Variants in VTI1B observed in about 807,000 individuals in gnomAD.
The protein encoded by VTI1B is vesicle transport through interaction with t-SNAREs homolog 1B.
VTI1B carries 18 observed loss-of-function variants against 28.6 expected under a neutral mutation model. The observed-to-expected ratio is 0.63, with a 90% CI of 0.43 to 0.93. The LOEUF (loss-of-function observed/expected upper bound fraction) is 0.93, where lower values mean the gene tolerates loss of function less well. Ranked by LOEUF, VTI1B falls within the 40% of genes least tolerant of loss-of-function variation. The probability of loss-of-function intolerance (pLI) is 0.00; values close to 1 mark genes in which losing one functional copy is unlikely to be tolerated. For synonymous variants in VTI1B, 100 were observed against 107.9 expected, an observed-to-expected ratio of 0.93 and a Z score of 0.46; for missense variants, 283 against 297.0, an observed-to-expected ratio of 0.95 and a Z score of 0.35.
In VTI1B at chr14:67,650,275, C is replaced by T. The variant is rs571993257; in HGVS notation, c.*1110G>A. ...ACATTAGAGTTCAAAAGTGGGAATG[C>T]AGTTTGGCTAGTGCAAGTGGCAGAT... On this transcript the variant is annotated 3_prime_UTR_variant, in exon 6 of 6. Transcript: ENST00000554659. 65 of 215,486 alleles carry T rather than the reference C, an allele frequency of 3.0e-4. No homozygotes were observed. The highest frequency in any genetic ancestry group is 4.2e-4 in the Non-Finnish European group (45 of 106,786). 13.3% of individuals were successfully genotyped at this position (215,486 alleles called of 1,614,324 possible). A position where few individuals can be genotyped will look rare whatever the true frequency, so the allele number is the denominator to read the frequency against.
Position 67,649,397 on chromosome 14 carries a change from T to C in VTI1B, c.*1988A>G, listed in dbSNP as rs1001990794. On this transcript the variant is annotated 3_prime_UTR_variant, in exon 6 of 6. Transcript: ENST00000554659. ...CCAGGTGTCCCAACTACTTGGGAGG[T>C]TGAGGCTGCAGTGAGCCATGATTGT... The C allele has an allele frequency of 2.0e-5, 3 of 151,852 alleles. No individual in the cohort carries two copies. Among genetic ancestry groups the C allele is most frequent in the African/African-American group, 7.3e-5 (3 of 41,288 alleles). The allele number at this position is 151,852 out of a possible 1,614,324, so 9.4% of individuals were successfully genotyped here.
rs1320879407 is a variant in VTI1B, at chr14:67,650,749, T to G, written c.*636A>C. On this transcript the variant is annotated 3_prime_UTR_variant, in exon 6 of 6. Coordinates refer to ENST00000554659, the MANE Select transcript of VTI1B (RefSeq NM_006370.3). Reference sequence around the variant, plus strand: ...CAGCACTGGATCTTGTTGAAGTCAATCCTCAGTTGGCCACCTCAGAGGAAG... The same window carrying G: ...CAGCACTGGATCTTGTTGAAGTCAAGCCTCAGTTGGCCACCTCAGAGGAAG... 8 of 1,614,002 alleles carry G rather than the reference T, an allele frequency of 5.0e-6. No individual in the cohort carries two copies. The highest frequency in any genetic ancestry group is 6.8e-6 in the Non-Finnish European group (8 of 1,180,022).
In VTI1B at chr14:67,651,388, A is replaced by G. The variant is rs115023419; in HGVS notation, c.696T>C (p.His232=). The change falls in exon 6 of 6, where the codon CAT becomes CAC. Residue 232 remains histidine, a synonymous_variant. Coordinates refer to ENST00000554659, the MANE Select transcript of VTI1B (RefSeq NM_006370.3). ...ACAAACCCTTCCCTATAGAAGTTCA[A>G]TGGCTGCGAAAGAATTTGTAGTAAA... ...GLVYYKFFRS[H] is the part of the protein sequence containing the mutation. 4.5e-5 allele frequency: 72 copies of G among 1,613,722 alleles called. No homozygotes were observed. In the African/African-American group the frequency reaches 8.5e-4, roughly 19 times the overall value.
Position 67,650,762 on chromosome 14 carries a change from A to C in VTI1B, c.*623T>G. 6.2e-7 allele frequency: 1 copy of C among 1,614,182 alleles called. No homozygotes were observed. Among genetic ancestry groups the C allele is most frequent in the Non-Finnish European group, 8.5e-7 (1 of 1,180,032 alleles). On this transcript the variant is annotated 3_prime_UTR_variant, in exon 6 of 6. Coordinates refer to ENST00000554659, the MANE Select transcript of VTI1B (RefSeq NM_006370.3). ...TGTTGAAGTCAATCCTCAGTTGGCC[A>C]CCTCAGAGGAAGAGGCGAAGACTAC... is the stretch of plus-strand genomic sequence containing the variant.
chr14:67,671,525 CAAAAAAACA>C (rs2037464929), intron 1 of VTI1B, among the ~76,000 whole-genome samples: 1 of 150,456 alleles, frequency 6.6e-6, no homozygotes, highest in South Asian at 2.1e-4. Context: ...GACTCTATCT[CAAAAAAACA>C]AAAAAAAGAA....
chr14:67,670,364 C>T (rs573732346), intron 1 of VTI1B, among the ~76,000 whole-genome samples: 4 of 152,238 alleles, frequency 2.6e-5, no homozygotes, highest in African/African-American at 4.8e-5. Flanking sequence ...ATTCTAAGCT[C>T]CAGAGTTGGG....
At chr14:67,670,246 G>A (rs1054936546) in intron 1 of VTI1B, among the ~76,000 whole-genome samples, 2 of 152,012 alleles carry the variant, frequency 1.3e-5, no homozygotes, top group Non-Finnish European at 2.9e-5. Context: ...ACTGCTTTAC[G>A]TCCTTTACTG....
intron 4 of VTI1B, among the ~76,000 whole-genome samples, chr14:67,656,195 G>C (rs2037254104): frequency 6.7e-6 from 1 of 150,000 alleles, no homozygotes. Context: ...GCAGCAAGTG[G>C]AGATCACGCC....
In VTI1B at chr14:67,647,196, G is replaced by GT; in HGVS notation, c.*4188dup. ...ACACAGGTCATATTCTTCCTCTGGG[G>GT]TTTTTGGGAGGAGGTTTCCTCTAAA... On this transcript the variant is annotated 3_prime_UTR_variant, in exon 6 of 6. Coordinates refer to ENST00000554659, the MANE Select transcript of VTI1B (RefSeq NM_006370.3). 1 of 512,342 alleles carries GT rather than the reference G, an allele frequency of 2.0e-6. No individual in the cohort carries two copies. The highest frequency in any genetic ancestry group is 3.4e-6 in the Non-Finnish European group (1 of 290,328). 31.7% of individuals were successfully genotyped at this position (512,342 alleles called of 1,614,324 possible). A position where few individuals can be genotyped will look rare whatever the true frequency, so the allele number is the denominator to read the frequency against.
At position 67,674,539 on chromosome 14, in the gene VTI1B, C is replaced by T. The variant is rs1456710279; in HGVS notation, c.-50G>A. The T allele has an allele frequency of 2.7e-6, 4 of 1,486,140 alleles. No individual in the cohort carries two copies. The highest frequency in any genetic ancestry group is 2.9e-5 in the African/African-American group (2 of 70,072). 92.1% of individuals were successfully genotyped at this position (1,486,140 alleles called of 1,614,324 possible). On this transcript the variant is annotated 5_prime_UTR_variant, in exon 1 of 6. Coordinates refer to ENST00000554659, the MANE Select transcript of VTI1B (RefSeq NM_006370.3). The stretch of plus-strand genomic sequence containing the variant: ...GCCACCGAGATTCGGGGCCCTGGGC[C>T]CTTTCCTAGCCCGGCGGTCAGCCGC...
At chr14:67,668,555 A>G (rs1258925938) in intron 1 of VTI1B, among the ~76,000 whole-genome samples, 1 of 152,244 alleles carries the variant, frequency 6.6e-6, no homozygotes, top group Non-Finnish European at 1.5e-5. Flanking sequence ...TCACAATCAT[A>G]TATCAATATT....
rs1172195502 is a variant in VTI1B at position 67,662,539 on chromosome 14, G to A, written c.116-4C>T. On this transcript the variant is annotated splice_polypyrimidine_tract_variant and splice_region_variant and intron_variant, in intron 1 of 5. Transcript: ENST00000554659. The stretch of plus-strand genomic sequence containing the variant: ...CTGATCAATTTCTTCTTTTCTTCTA[G>A]AAAAGATAGATAAGTTTCAAATGCT... 2 of 1,607,656 alleles carry A rather than the reference G, an allele frequency of 1.2e-6. No individual in the cohort carries two copies. Among genetic ancestry groups the A allele is most frequent in the Non-Finnish European group, 1.7e-6 (2 of 1,176,766 alleles).
Position 67,653,423 on chromosome 14 carries a change from T to G in VTI1B, c.602+14A>C. On this transcript the variant is annotated intron_variant, in intron 5 of 5. Transcript: ENST00000554659. Reference sequence around the variant, plus strand: ...CTGAGTTAAGAGAAATTTCATGACTTTAATAAAACTTACTTTCTGGACATT... The same window carrying G: ...CTGAGTTAAGAGAAATTTCATGACTGTAATAAAACTTACTTTCTGGACATT... The G allele has an allele frequency of 6.2e-7, 1 of 1,612,686 alleles. No homozygotes were observed. Among genetic ancestry groups the G allele is most frequent in the Non-Finnish European group, 8.5e-7 (1 of 1,179,084 alleles).
Position 67,656,448 on chromosome 14 carries a change from G to A in VTI1B, c.508C>T (p.Gln170Ter). 1 of 1,613,044 alleles carries A rather than the reference G, an allele frequency of 6.2e-7. No individual in the cohort carries two copies. Among genetic ancestry groups the A allele is most frequent in the African/African-American group, 1.3e-5 (1 of 74,882 alleles). ...TTGGTACGTTCTAACTGGTCTCGTT[G>A]TTCCCCCAGCTCTTCTATGATTTCT... The part of the protein sequence containing the change: ...GSEIIEELGE[Q>*]RDQLERTKSR... Residue 170 changes from glutamine to a stop codon, truncating the protein, a stop_gained, in exon 4 of 6, where the codon CAA becomes TAA. Coordinates refer to ENST00000554659, the MANE Select transcript of VTI1B (RefSeq NM_006370.3). LOFTEE classifies it high-confidence loss of function.
Position 67,656,535 on chromosome 14 carries a change from G to C in VTI1B, c.421C>G (p.Arg141Gly). ...MLLQGTESLN[R>G]ATQSIERSHR... ...GAACGTTCAATACTTTGGGTGGCCC[G>C]GTTCAGGCTTTCAGTGCCCTGCAGA... The change falls in exon 4 of 6, where the codon CGG (arginine) becomes GGG (glycine). Residue 141 changes from arginine to glycine, a missense_variant. Coordinates refer to ENST00000554659, the MANE Select transcript of VTI1B (RefSeq NM_006370.3). The C allele has an allele frequency of 1.2e-6, 2 of 1,613,698 alleles. No homozygotes were observed. The highest frequency in any genetic ancestry group is 1.7e-6 in the Non-Finnish European group (2 of 1,179,738).
intron 4 of VTI1B, among the ~76,000 whole-genome samples, chr14:67,655,206 T>A (rs1187940660): frequency 6.6e-6 from 1 of 151,460 alleles, no homozygotes; most frequent in Non-Finnish European, 1.5e-5. Context: ...CCAGGCACAG[T>A]AGCACATGCC....
intron 1 of VTI1B, among the ~76,000 whole-genome samples, chr14:67,667,901 G>A (rs929701455): frequency 3.3e-5 from 5 of 152,024 alleles, no homozygotes; most frequent in South Asian, 2.1e-4. Context: ...CCGAGATCGC[G>A]CCACTGCACT....
chr14:67,654,430 C>T lies in VTI1B; in HGVS notation c.541-932G>A, dbSNP rs74246589. On this transcript the variant is annotated intron_variant, in intron 4 of 5. Coordinates refer to ENST00000554659, the MANE Select transcript of VTI1B (RefSeq NM_006370.3). ...AGTGCTAAAATTACAGGTGTAAGCC[C>T]GGCCTCCTTGGCTTTTAAATTCAAC... Among the ~76,000 whole-genome samples, 484 of 152,224 alleles carry T rather than the reference C, an allele frequency of 3.2e-3. 17 individuals are homozygous for T. The East Asian group carries it at 0.081, about 25-fold the overall frequency.
At position 67,647,811 on chromosome 14, in the gene VTI1B, G is replaced by C. The variant is rs1458673312; in HGVS notation, c.*3574C>G. 1 of 522,150 alleles carries C rather than the reference G, an allele frequency of 1.9e-6. No homozygotes were observed. The highest frequency in any genetic ancestry group is 1.9e-5 in the African/African-American group (1 of 52,338). 32.3% of individuals were successfully genotyped at this position (522,150 alleles called of 1,614,324 possible). A position where few individuals can be genotyped will look rare whatever the true frequency, so the allele number is the denominator to read the frequency against. ...CAGAAATATACATTGGAGTTAGTCT[G>C]TCTGAGGTATGCAGAACAAATGGCA... On this transcript the variant is annotated 3_prime_UTR_variant, in exon 6 of 6. Transcript: ENST00000554659.
Sources: gnomAD v4.1 joint callset for allele counts (sites outside exome capture counted in the v4.1 genomes callset) on GRCh38, gnomAD v4.1.1 for gene constraint, MANE v1.5 for transcripts, NCBI Gene and HGNC (gene_info 2026-07-23, HGNC 2026-07-21) for gene names.